TRABD2A: variants seen among roughly 807,000 people sequenced by gnomAD.
TRABD2A encodes the protein metalloprotease TIKI1.
In TRABD2A, 43 loss-of-function variants were observed where a neutral mutation model predicts 45.6. That is an observed-to-expected ratio of 0.94 (90% confidence interval 0.74 to 1.22). The LOEUF is 1.22. TRABD2A is among the 50% of genes most tolerant of loss of function. The probability of loss-of-function intolerance (pLI) is 0.00; values close to 1 mark genes in which losing one functional copy is unlikely to be tolerated. For missense variants in TRABD2A, 642 were observed against 652.4 expected (o/e 0.98, Z 0.17); for synonymous variants, 269 against 265.0 (o/e 1.02, Z -0.15).
At chr2:84,845,729 A>G (rs943739741) in intron 2 of TRABD2A, among the ~76,000 whole-genome samples, 1 of 152,222 alleles carries the variant, frequency 6.6e-6, no homozygotes, top group African/African-American at 2.4e-5. Context: ...CAAGGACAGA[A>G]TCAAGGCAAG....
chr2:84,835,024 A>G (rs1296638625), intron 4 of TRABD2A: 3 of 152,168 alleles, frequency 2.0e-5, no homozygotes, highest in South Asian at 2.1e-4. Context: ...GAGGGTGCCA[A>G]TTTCTCCATG....
intron 1 of TRABD2A, among the ~76,000 whole-genome samples, chr2:84,872,522 AGAAG>A (rs1682899183): frequency 6.6e-6 from 1 of 151,882 alleles, no homozygotes; most frequent in Admixed American, 6.6e-5. Flanking sequence ...AAAGAGAGAG[AGAAG>A]GAAGGACTAG....
At chr2:84,879,881 G>A (rs967023305) in intron 1 of TRABD2A, among the ~76,000 whole-genome samples, 7 of 152,176 alleles carry the variant, frequency 4.6e-5, no homozygotes, top group Admixed American at 6.5e-5. Context: ...GCTGCAGTTG[G>A]GATGAGGAAT....
chr2:84,863,684 T>C (rs1397177098), intron 2 of TRABD2A, among the ~76,000 whole-genome samples: 1 of 140,968 alleles, frequency 7.1e-6, no homozygotes, highest in Non-Finnish European at 1.5e-5. Context: ...CAATCTCGGC[T>C]CACTGCAACC....
At chr2:84,832,321 G>GGACTGTT in intron 4 of TRABD2A, 176 bp from the exon 5 acceptor site, 1 of 615,754 alleles carries the variant, frequency 1.6e-6, no homozygotes, top group Non-Finnish European at 2.9e-6. Flanking sequence ...CTGCAAGGCA[G>GGACTGTT]GCAGGGCAGC....
At chr2:84,868,537 T>TTAATAATAATTAATTAAC (rs201463909) in intron 2 of TRABD2A, among the ~76,000 whole-genome samples, 7 of 151,864 alleles carry the variant, frequency 4.6e-5, no homozygotes, top group African/African-American at 1.7e-4. Context: ...AACTAGTTAA[T>TTAATAATAATTAATTAAC]TAGTTAATTA....
At chr2:84,875,887 G>C (rs1683010273) in intron 1 of TRABD2A, among the ~76,000 whole-genome samples, 3 of 152,136 alleles carry the variant, frequency 2.0e-5, no homozygotes, top group Middle Eastern at 6.8e-3. Flanking sequence ...CAGCTACTTA[G>C]GAGGTTGAGG....
chr2:84,875,107 T>C, intron 1 of TRABD2A: 1 of 166,864 alleles, frequency 6.0e-6, no homozygotes, highest in Non-Finnish European at 1.3e-5. Flanking sequence ...AGGAAAACAT[T>C]TCAATAAGGG....
In TRABD2A at chr2:84,842,937, A is replaced by G. The variant is rs569677272; in HGVS notation, c.670-930T>C. Among the ~76,000 whole-genome samples the G allele has an allele frequency of 1.4e-4, 21 of 151,770 alleles. No individual in the cohort carries two copies. The South Asian group carries it at 4.2e-3, about 30-fold the overall frequency. On this transcript the variant is annotated intron_variant, in intron 2 of 6. Transcript: ENST00000409520. ...AATCCAGATTCAAGATCCTGATGCCAGGAACCCTATCTCTCCAGCTCTGAC... is the reference window on the plus strand; with the variant it reads ...AATCCAGATTCAAGATCCTGATGCCGGGAACCCTATCTCTCCAGCTCTGAC...
At chr2:84,833,275 A>C (rs1669067803) in intron 4 of TRABD2A, 1 of 152,220 alleles carries the variant, frequency 6.6e-6, no homozygotes, top group Non-Finnish European at 1.5e-5. Context: ...AGGCCACTGG[A>C]GAAGTAACCC....
chr2:84,842,661 A>G (rs1681751217), intron 2 of TRABD2A, among the ~76,000 whole-genome samples: 1 of 151,728 alleles, frequency 6.6e-6, no homozygotes, highest in African/African-American at 2.4e-5. Context: ...CCCAGGAGAC[A>G]GAGGTTGCAG....
At chr2:84,838,507 A>G (rs1681592950) in intron 4 of TRABD2A, among the ~76,000 whole-genome samples, 1 of 152,176 alleles carries the variant, frequency 6.6e-6, no homozygotes, top group Non-Finnish European at 1.5e-5. Context: ...AAAGAAACTG[A>G]GTGACATGAC....
intron 4 of TRABD2A, chr2:84,837,851 A>G (rs1681571786): frequency 5.4e-6 from 1 of 184,228 alleles, no homozygotes; most frequent in African/African-American, 2.4e-5. Flanking sequence ...AGCTCTTCTC[A>G]TGCATGTGAC....
chr2:84,847,389 A>G (rs1048077033), intron 2 of TRABD2A, among the ~76,000 whole-genome samples: 3 of 152,184 alleles, frequency 2.0e-5, no homozygotes, highest in Non-Finnish European at 4.4e-5. Flanking sequence ...GCTTGTGGAT[A>G]AGAGAATTGC....
chr2:84,842,894 T>G (rs549818375), intron 2 of TRABD2A, among the ~76,000 whole-genome samples: 66 of 152,108 alleles, frequency 4.3e-4, no homozygotes, highest in Admixed American at 2.0e-3. Flanking sequence ...AAAGCTTTGT[T>G]GAAACATATT....
rs558306942 is a variant in TRABD2A, at chr2:84,826,589, G to A, written c.1083-2385C>T. ...GCTCTGTCCCCCAGGATGGAGTGCA[G>A]TGGCACAATCTTGGCTCACTGCAAC... On this transcript the variant is annotated intron_variant, in intron 5 of 6. Transcript: ENST00000409520. Among the ~76,000 whole-genome samples the A allele has an allele frequency of 1.3e-3, 203 of 152,338 alleles. 1 individual carries two copies. The South Asian group carries it at 0.017, about 13-fold the overall frequency.
intron 2 of TRABD2A, among the ~76,000 whole-genome samples, chr2:84,846,578 A>G (rs1429555637): frequency 6.6e-6 from 1 of 152,222 alleles, no homozygotes; most frequent in Non-Finnish European, 1.5e-5. Flanking sequence ...TGGTCGCTGT[A>G]TGTCCAAAGA....
chr2:84,874,741 G>T, intron 1 of TRABD2A: 1 of 241,354 alleles, frequency 4.1e-6, no homozygotes, highest in Non-Finnish European at 8.3e-6. Flanking sequence ...GGTTGGTGAT[G>T]ACATTGCCAA....
rs185380558 is a variant in TRABD2A, at chr2:84,861,727, C to G, written c.669+8498G>C. ...GAGCATCCCAGAGCTGTCCTTTCCC[C>G]GAAAGTCAGGCAGCAGCAACCTACC... On this transcript the variant is annotated intron_variant, in intron 2 of 6. Coordinates refer to ENST00000409520, the MANE Select transcript of TRABD2A (RefSeq NM_001277053.2). Among the ~76,000 whole-genome samples the G allele has an allele frequency of 1.2e-3, 183 of 152,274 alleles. 1 individual carries two copies. The highest frequency in any genetic ancestry group is 4.3e-3 in the African/African-American group (178 of 41,552).
Sources: gnomAD v4.1 joint callset for allele counts (sites outside exome capture counted in the v4.1 genomes callset) on GRCh38, gnomAD v4.1.1 for gene constraint, MANE v1.5 for transcripts, NCBI Gene and HGNC (gene_info 2026-07-23, HGNC 2026-07-21) for gene names.